ARHGAP23: variants seen among roughly 807,000 people sequenced by gnomAD.
ARHGAP23 encodes the protein Rho GTPase activating protein 23.
Under a neutral mutation model 136.3 loss-of-function variants are expected in ARHGAP23, and 34 were observed. The observed-to-expected ratio is 0.25, with a 90% CI of 0.19 to 0.33. The LOEUF (loss-of-function observed/expected upper bound fraction) is 0.33. Among genes scored for constraint, ARHGAP23 ranks in the 10% least tolerant of loss-of-function variants. The pLI is 1.00. For synonymous variants in ARHGAP23, 832 were observed against 920.5 expected, an observed-to-expected ratio of 0.90 and a Z score of 1.74; for missense variants, 1,808 against 2,139.0, an observed-to-expected ratio of 0.85 and a Z score of 3.05.
chr17:38,464,085 A>G (rs1470122762), intron 6 of ARHGAP23, among the ~76,000 whole-genome samples: 1 of 151,992 alleles, frequency 6.6e-6, no homozygotes, highest in Non-Finnish European at 1.5e-5. Context: ...CTACACACCC[A>G]CGCCGCACTA....
intron 1 of ARHGAP23, among the ~76,000 whole-genome samples, chr17:38,434,726 A>C (rs1256619660): frequency 3.3e-5 from 5 of 152,194 alleles, no homozygotes; most frequent in African/African-American, 9.6e-5. Context: ...TCTGTCTCCT[A>C]TCTGACTTCT....
At chr17:38,450,473 T>TGG in intron 1 of ARHGAP23, 1 of 152,060 alleles carries the variant, frequency 6.6e-6, no homozygotes, top group Non-Finnish European at 1.5e-5. Context: ...TGGAGAGCAA[T>TGG]CTCTGCTCAT....
At chr17:38,487,181 C>T (rs1264052131) in intron 17 of ARHGAP23, among the ~76,000 whole-genome samples, 1 of 152,196 alleles carries the variant, frequency 6.6e-6, no homozygotes, top group Non-Finnish European at 1.5e-5. Flanking sequence ...TTGTTTTTAA[C>T]AAAAGCAGAG....
At position 38,510,777 on chromosome 17, in the gene ARHGAP23, A is replaced by AG; in HGVS notation, c.4286dup (p.Glu1432GlyfsTer10). 1 of 1,498,410 alleles carries AG rather than the reference A, an allele frequency of 6.7e-7. No homozygotes were observed. The highest frequency in any genetic ancestry group is 2.3e-5 in the Admixed American group (1 of 43,992). 92.8% of individuals were successfully genotyped at this position (1,498,410 alleles called of 1,614,324 possible). On this transcript the variant is annotated frameshift_variant, in exon 24 of 24. Transcript: ENST00000622683. LOFTEE classifies it high-confidence loss of function. The surrounding 1 kb of genome is among the most constrained non-coding windows in gnomAD (Gnocchi z 4.6). Reference sequence around the variant, plus strand: ...TCAACGAGTGGAAGGAGCTGGGCGGAGGGGGCCCCCCGGAGCCTGCGGGCG... The same window carrying AG: ...TCAACGAGTGGAAGGAGCTGGGCGGAGGGGGGCCCCCCGGAGCCTGCGGGCG...
At chr17:38,463,424 C>T in intron 6 of ARHGAP23, 42 bp downstream of exon 6, 1 of 1,549,750 alleles carries the variant, frequency 6.5e-7, no homozygotes, top group Non-Finnish European at 8.7e-7. Flanking sequence ...CCCCTGAGCC[C>T]TGGGGCAGCA....
At chr17:38,465,205 G>A (rs1419561290) in intron 6 of ARHGAP23, among the ~76,000 whole-genome samples, 1 of 152,040 alleles carries the variant, frequency 6.6e-6, no homozygotes, top group Non-Finnish European at 1.5e-5. Flanking sequence ...CCGGCCCTGT[G>A]CCAGCTGGAG....
intron 7 of ARHGAP23, among the ~76,000 whole-genome samples, chr17:38,468,282 G>A (rs1351754878): frequency 1.3e-5 from 2 of 152,192 alleles, no homozygotes; most frequent in Non-Finnish European, 2.9e-5. Flanking sequence ...CCTTGCCTTC[G>A]ACTGGATGCA....
intron 1 of ARHGAP23, chr17:38,451,697 G>C (rs1449589317): frequency 6.6e-6 from 1 of 152,322 alleles, no homozygotes; most frequent in African/African-American, 2.4e-5. Context: ...TGGGGCCCCA[G>C]AGTCTGACAT....
In ARHGAP23 at chr17:38,443,767, C is replaced by T. The variant is rs552061079; in HGVS notation, c.64-14335C>T. Among the ~76,000 whole-genome samples, 54 of 152,270 alleles carry T rather than the reference C, an allele frequency of 3.5e-4. No individual in the cohort carries two copies. The East Asian group carries it at 0.01, about 29-fold the overall frequency. ...GCCCCATGTGCCCCCGGGAGACTTT[C>T]GGAATCTGCTGAGACCTGCCCTGGG... On this transcript the variant is annotated intron_variant, in intron 1 of 23. Coordinates refer to ENST00000622683, the MANE Select transcript of ARHGAP23 (RefSeq NM_001199417.2).
intron 1 of ARHGAP23, among the ~76,000 whole-genome samples, chr17:38,420,930 T>A (rs1356612158): frequency 2.6e-5 from 4 of 152,170 alleles, no homozygotes; most frequent in Non-Finnish European, 5.9e-5. Flanking sequence ...GGATTTTTTT[T>A]TAAAAGAGGG....
rs1342677066 is a variant in ARHGAP23, at chr17:38,466,965, C to T, written c.1282C>T (p.Arg428Cys). The T allele has an allele frequency of 6.4e-6, 10 of 1,550,530 alleles. No homozygotes were observed. The highest frequency in any genetic ancestry group is 4.9e-5 in the East Asian group (2 of 40,918). ...GYRSYSPSFQ[R>C]RTGLLHALSF... ...CCGGAGCTACAGCCCATCATTCCAG[C>T]GCCGGACCGGCCTCCTCCATGCGCT... The change falls in exon 7 of 24, where the codon CGC becomes TGC. Residue 428 changes from arginine to cysteine, a missense_variant. Arg to Cys is a radical substitution (Grantham distance 180). This residue lies in a region of ARHGAP23 where 859 missense variants were observed against 936.4 expected (regional missense o/e 0.92). Coordinates refer to ENST00000622683, the MANE Select transcript of ARHGAP23 (RefSeq NM_001199417.2).
Position 38,511,027 on chromosome 17 carries a change from C to T in ARHGAP23, c.*55C>T. ...CCCCTCCCTAGAGCCCCTTTGGAACCAGGAGGCTTCACCAGCCTGCACCTC... is the reference window on the plus strand; with the variant it reads ...CCCCTCCCTAGAGCCCCTTTGGAACTAGGAGGCTTCACCAGCCTGCACCTC... On this transcript the variant is annotated 3_prime_UTR_variant, in exon 24 of 24. Transcript: ENST00000622683. 1 of 1,374,564 alleles carries T rather than the reference C, an allele frequency of 7.3e-7. No homozygotes were observed. Among genetic ancestry groups the T allele is most frequent in the Non-Finnish European group, 9.3e-7 (1 of 1,071,608 alleles). 85.1% of individuals were successfully genotyped at this position (1,374,564 alleles called of 1,614,324 possible). A position where few individuals can be genotyped will look rare whatever the true frequency, so the allele number is the denominator to read the frequency against.
chr17:38,489,922 G>C, intron 17 of ARHGAP23, 180 bp from the exon 18 acceptor site: 2 of 633,088 alleles, frequency 3.2e-6, no homozygotes, highest in Non-Finnish European at 2.9e-6. Flanking sequence ...GCTGTGGTGA[G>C]TGCAGCTGTG....
chr17:38,486,242 T>C, intron 17 of ARHGAP23, 102 bp downstream of exon 17: 1 of 1,158,144 alleles, frequency 8.6e-7, no homozygotes, highest in Non-Finnish European at 1.2e-6. Context: ...CTTTTTTTTT[T>C]TTTTTGAGAC....
At chr17:38,429,998 C>T (rs935113307) in intron 1 of ARHGAP23, among the ~76,000 whole-genome samples, 28 of 152,134 alleles carry the variant, frequency 1.8e-4, no homozygotes, top group African/African-American at 6.8e-4. Context: ...CCCAAAGGCC[C>T]CCGGCCCCAG....
intron 3 of ARHGAP23, 99 bp from the exon 4 acceptor site, chr17:38,462,747 G>T (rs561575646): frequency 5.8e-6 from 5 of 866,404 alleles, no homozygotes; most frequent in Non-Finnish European, 6.8e-6. Flanking sequence ...GACCGGACGA[G>T]TGCAATCATT....
At chr17:38,495,566 C>T (rs1432899314) in intron 20 of ARHGAP23, among the ~76,000 whole-genome samples, 1 of 152,140 alleles carries the variant, frequency 6.6e-6, no homozygotes, top group East Asian at 1.9e-4. Context: ...CCTTTGCTGT[C>T]TTCTCTTCTA....
intron 1 of ARHGAP23, among the ~76,000 whole-genome samples, chr17:38,428,926 G>A (rs2038623393): frequency 6.7e-6 from 1 of 150,000 alleles, no homozygotes; most frequent in East Asian, 2.0e-4. Flanking sequence ...CTCTGCCCGA[G>A]TTTTCGTTTT....
At chr17:38,441,355 T>C (rs564468589) in intron 1 of ARHGAP23, among the ~76,000 whole-genome samples, 2 of 152,340 alleles carry the variant, frequency 1.3e-5, no homozygotes, top group African/African-American at 4.8e-5. Context: ...GCGTTTCTCA[T>C]GTCTGGCTGG....
Sources: gnomAD v4.1 joint callset for allele counts (sites outside exome capture counted in the v4.1 genomes callset) on GRCh38, gnomAD v4.1.1 for gene constraint, gnomAD v4.1.1 regional missense constraint, Gnocchi (gnomAD v3.1) non-coding constraint, MANE v1.5 for transcripts, NCBI Gene and HGNC (gene_info 2026-07-23, HGNC 2026-07-21) for gene names.